CNTN4: variants seen among roughly 807,000 people sequenced by gnomAD.
CNTN4 encodes contactin 4.
In CNTN4, 77 loss-of-function variants were observed where a neutral mutation model predicts 122.5. The observed-to-expected ratio is 0.63, with a 90% CI of 0.52 to 0.76. CNTN4 has a LOEUF of 0.76. Among genes scored for constraint, CNTN4 ranks in the 30% least tolerant of loss-of-function variants. CNTN4 has a pLI of 0.00. For missense variants in CNTN4, 1,256 were observed against 1,259.1 expected (o/e 1.00, Z 0.04); for synonymous variants, 512 against 447.0 (o/e 1.15, Z -1.83).
At chr3:2,223,958 G>A (rs1393043000) in intron 2 of CNTN4, among the ~76,000 whole-genome samples, 3 of 152,110 alleles carry the variant, frequency 2.0e-5, no homozygotes, top group South Asian at 2.1e-4. Context: ...GGGCTTCTTG[G>A]GGGGCAGGTA....
intron 2 of CNTN4, among the ~76,000 whole-genome samples, chr3:2,267,147 T>C (rs910168173): frequency 3.3e-5 from 5 of 152,138 alleles, no homozygotes; most frequent in Non-Finnish European, 2.9e-5. Context: ...TCCTGGCTTC[T>C]GTGCCAACTT....
chr3:2,128,676 T>C (rs922076925), intron 2 of CNTN4, among the ~76,000 whole-genome samples: 8 of 152,294 alleles, frequency 5.3e-5, no homozygotes, highest in African/African-American at 1.7e-4. Flanking sequence ...GTTTAGCTTA[T>C]GGTGGTGTAA....
intron 13 of CNTN4, among the ~76,000 whole-genome samples, chr3:2,962,392 AGGCTAAAT>A (rs2125014551): frequency 6.6e-6 from 1 of 152,368 alleles, no homozygotes; most frequent in Admixed American, 6.5e-5. Flanking sequence ...TTTGTTCACC[AGGCTAAAT>A]GTGTCAGCAT....
At chr3:3,052,715 G>A (rs1284713141) in intron 23 of CNTN4, among the ~76,000 whole-genome samples, 3 of 152,176 alleles carry the variant, frequency 2.0e-5, no homozygotes, top group Admixed American at 1.3e-4. Context: ...CAGAACCCAT[G>A]GGGGGCCCAA....
At chr3:2,500,160 A>C (rs559515284) in intron 3 of CNTN4, among the ~76,000 whole-genome samples, 2 of 152,190 alleles carry the variant, frequency 1.3e-5, no homozygotes, top group South Asian at 2.1e-4. Context: ...TTGGACTTTA[A>C]AAGTTTTATA....
intron 2 of CNTN4, among the ~76,000 whole-genome samples, chr3:2,158,416 G>T (rs1206566045): frequency 1.3e-5 from 2 of 152,186 alleles, no homozygotes; most frequent in Non-Finnish European, 2.9e-5. Flanking sequence ...GAATGTGGTT[G>T]TGGTCTCAAC....
At chr3:2,108,160 CT>C (rs1225841822) in intron 2 of CNTN4, among the ~76,000 whole-genome samples, 1 of 134,254 alleles carries the variant, frequency 7.4e-6, no homozygotes, top group Non-Finnish European at 1.6e-5. Context: ...TTTCATGTGC[CT>C]TTTCTTTTTT....
At chr3:2,573,862 T>C (rs544864546) in intron 4 of CNTN4, among the ~76,000 whole-genome samples, 1 of 152,336 alleles carries the variant, frequency 6.6e-6, no homozygotes, top group Admixed American at 6.5e-5. Flanking sequence ...TTTTGTTTTC[T>C]TGCTATTTGT....
intron 3 of CNTN4, among the ~76,000 whole-genome samples, chr3:2,420,259 A>T (rs747181927): frequency 6.6e-6 from 1 of 152,140 alleles, no homozygotes; most frequent in African/African-American, 2.4e-5. Context: ...TGAGCTTCAT[A>T]TAAGGAGAAA....
At chr3:2,636,523 T>G (rs1004609270) in intron 4 of CNTN4, among the ~76,000 whole-genome samples, 7 of 152,224 alleles carry the variant, frequency 4.6e-5, no homozygotes, top group Non-Finnish European at 1.0e-4. Context: ...AGAATTGAAG[T>G]GTTTTAGAAA....
intron 2 of CNTN4, among the ~76,000 whole-genome samples, chr3:2,287,759 AG>A (rs2041991276): frequency 7.1e-6 from 1 of 141,472 alleles, no homozygotes; most frequent in Non-Finnish European, 1.5e-5. Flanking sequence ...AAGAAGAAGA[AG>A]AAGAAGAAGA....
At chr3:2,542,405 A>G (rs2078068411) in intron 3 of CNTN4, among the ~76,000 whole-genome samples, 1 of 152,150 alleles carries the variant, frequency 6.6e-6, no homozygotes, top group Non-Finnish European at 1.5e-5. Context: ...CCAAGAGAGA[A>G]CAGTATAGAT....
chr3:2,352,145 C>T (rs2044651177), intron 3 of CNTN4, among the ~76,000 whole-genome samples: 1 of 152,272 alleles, frequency 6.6e-6, no homozygotes, highest in Middle Eastern at 3.4e-3. Context: ...AATCCCAGCA[C>T]TTTGGGAGGC....
chr3:2,923,669 C>T (rs943628673), intron 12 of CNTN4, among the ~76,000 whole-genome samples: 9 of 152,198 alleles, frequency 5.9e-5, no homozygotes, highest in Non-Finnish European at 1.3e-4. Context: ...TTAGCAATCT[C>T]AACTCTTCCT....
intron 4 of CNTN4, among the ~76,000 whole-genome samples, chr3:2,708,673 A>G (rs2149318514): frequency 6.6e-6 from 1 of 150,630 alleles, no homozygotes; most frequent in Non-Finnish European, 1.5e-5. Flanking sequence ...GAGGCAATCC[A>G]TTCCCTCCTA....
At chr3:2,763,611 G>T (rs1231063064) in intron 6 of CNTN4, among the ~76,000 whole-genome samples, 8 of 152,102 alleles carry the variant, frequency 5.3e-5, no homozygotes, top group African/African-American at 1.9e-4. Context: ...AATTTTTATA[G>T]TTTTGGGTTT....
intron 3 of CNTN4, among the ~76,000 whole-genome samples, chr3:2,503,207 G>A (rs1350595824): frequency 6.6e-6 from 1 of 152,110 alleles, no homozygotes; most frequent in African/African-American, 2.4e-5. Context: ...GAGAGAGAAT[G>A]GGTTCAGGAT....
rs143923550 is a variant in CNTN4, at chr3:2,759,260, A to G, written c.358+13563A>G. On this transcript the variant is annotated intron_variant, in intron 6 of 24. Transcript: ENST00000418658. ...AACCTCTGCCTCCCGGCTTCAAGCT[A>G]TTCTCCTGCCTCAGCCTCCTGAGTA... Among the ~76,000 whole-genome samples, 1,094 of 151,812 alleles carry G rather than the reference A, an allele frequency of 7.2e-3. 10 individuals carry two copies. The highest frequency in any genetic ancestry group is 0.017 in the South Asian group (84 of 4,812).
At chr3:2,253,098 T>C (rs909410301) in intron 2 of CNTN4, among the ~76,000 whole-genome samples, 5 of 151,966 alleles carry the variant, frequency 3.3e-5, no homozygotes, top group African/African-American at 1.2e-4. Context: ...TCCTGCAATC[T>C]AGAATTAGTA....
Sources: allele counts gnomAD v4.1 joint callset (sites outside exome capture counted in the v4.1 genomes callset), GRCh38; gene constraint gnomAD v4.1.1; transcripts MANE v1.5; gene names NCBI Gene and HGNC (gene_info 2026-07-23, HGNC 2026-07-21).